The following LMO7 variants were observed in gnomAD, a reference collection of about 807,000 sequenced individuals.
The protein encoded by LMO7 is LIM domain only protein 7.
A neutral mutation model predicts 206.5 loss-of-function variants in LMO7; 120 were observed. The observed-to-expected ratio is 0.58, with a 90% confidence interval of 0.50 to 0.68. The LOEUF is 0.68. Ranked by LOEUF, LMO7 falls within the 30% of genes least tolerant of loss-of-function variation. The probability of loss-of-function intolerance (pLI) is 0.00; values close to 1 mark genes in which losing one functional copy is unlikely to be tolerated. For synonymous variants in LMO7, 706 were observed against 681.5 expected (o/e 1.04, Z -0.56); for missense variants, 1,959 against 1,957.9 (o/e 1.00, Z -0.01).
At chr13:75,781,972 T>C (rs1377101318) in intron 4 of LMO7, among the ~76,000 whole-genome samples, 3 of 152,012 alleles carry the variant, frequency 2.0e-5, no homozygotes, top group Admixed American at 1.3e-4. Context: ...TTTGATGGGG[T>C]TGTTTGTTTT....
At chr13:75,690,343 G>A (rs1299626039) in intron 1 of LMO7, among the ~76,000 whole-genome samples, 1 of 152,034 alleles carries the variant, frequency 6.6e-6, no homozygotes, top group Non-Finnish European at 1.5e-5. Context: ...GCTTTGATCT[G>A]CCTACACTAG....
In LMO7 at chr13:75,807,801, A is replaced by G; in HGVS notation, c.1518A>G (p.Glu506=). The change falls in exon 10 of 31, where the codon GAA becomes GAG. Residue 506 remains glutamate (E), a synonymous_variant. Transcript: ENST00000377534. ...TAATTTTACAGTGTAGAGAAGGTGA[A>G]CTTGTACTTCCGGATTTGGAAAAAG... ...RDIILQCREG[E]LVLPDLEKDD... 2.5e-6 allele frequency: 4 copies of G among 1,613,742 alleles called. No homozygotes were observed. The highest frequency in any genetic ancestry group is 2.5e-6 in the Non-Finnish European group (3 of 1,179,760).
In LMO7 at chr13:75,841,816, T is replaced by A; in HGVS notation, c.3864T>A (p.Asp1288Glu). 1.2e-6 allele frequency: 2 copies of A among 1,613,984 alleles called. 1 individual carries two copies. The highest frequency in any genetic ancestry group is 2.2e-5 in the South Asian group (2 of 91,070). The change falls in exon 24 of 31, where the codon GAT (aspartate) becomes GAA (glutamate). Residue 1288 changes from aspartate to glutamate, a missense_variant. Physicochemically the swap from Asp to Glu is conservative, Grantham distance 45 (BLOSUM62 2). Coordinates refer to ENST00000377534, the MANE Select transcript of LMO7 (RefSeq NM_001306080.2). The stretch of plus-strand genomic sequence containing the variant: ...AGGACCAAGGAAAGAAGCCGCAGGA[T>A]CAGCTTGTTATTGAGAGAGAGAGGA... Reference protein sequence around the residue: ...VHEDQGKKPQDQLVIERERKW... With the variant: ...VHEDQGKKPQEQLVIERERKW...
At chr13:75,747,746 T>C (rs1252063994) in intron 3 of LMO7, among the ~76,000 whole-genome samples, 1 of 152,076 alleles carries the variant, frequency 6.6e-6, no homozygotes, top group African/African-American at 2.4e-5. Context: ...TCCATGGAAA[T>C]AGTGAATATG....
intron 3 of LMO7, among the ~76,000 whole-genome samples, chr13:75,732,955 A>G (rs1251255181): frequency 6.6e-6 from 1 of 152,152 alleles, no homozygotes; most frequent in Non-Finnish European, 1.5e-5. Flanking sequence ...GTGAACCGCG[A>G]ATGCTGCTGT....
chr13:75,836,468 C>T lies in LMO7; in HGVS notation c.3394+11C>T, dbSNP rs750140630. 3.0e-6 allele frequency: 4 copies of T among 1,335,560 alleles called. No homozygotes were observed. The African/African-American group carries it at 4.5e-5, about 15-fold the overall frequency. The allele number at this position is 1,335,560 out of a possible 1,614,324, so 82.7% of individuals were successfully genotyped here. A position where few individuals can be genotyped will look rare whatever the true frequency, so the allele number is the denominator to read the frequency against. On this transcript the variant is annotated intron_variant, in intron 19 of 30. Transcript: ENST00000377534. ...CTTTTGAATCAAAAGGTAAATATCA[C>T]CTTTATAACTTACATTTATAATACA...
intron 3 of LMO7, among the ~76,000 whole-genome samples, chr13:75,739,878 T>TTG (rs1368118198): frequency 6.6e-6 from 1 of 152,180 alleles, no homozygotes. Flanking sequence ...GAGGGGAGGT[T>TTG]TGTGGGACCC....
chr13:75,800,599 A>T, intron 6 of LMO7, 85 bp from the exon 7 acceptor site: 1 of 1,254,932 alleles, frequency 8.0e-7, no homozygotes, highest in Non-Finnish European at 1.1e-6. Context: ...AACTTAAATT[A>T]GGCAAACAAG....
intron 4 of LMO7, among the ~76,000 whole-genome samples, chr13:75,793,521 C>T (rs1003398287): frequency 6.6e-6 from 1 of 152,158 alleles, no homozygotes; most frequent in African/African-American, 2.4e-5. Flanking sequence ...GGGGATGCAC[C>T]CTCCTCAGCC....
At chr13:75,735,267 CAGG>C (rs2045697880) in intron 3 of LMO7, among the ~76,000 whole-genome samples, 2 of 151,840 alleles carry the variant, frequency 1.3e-5, no homozygotes, top group Non-Finnish European at 2.9e-5. Context: ...ACCCCCTCTT[CAGG>C]AGGAGAGGGG....
At chr13:75,793,207 G>A (rs758737469) in intron 4 of LMO7, among the ~76,000 whole-genome samples, 2 of 152,188 alleles carry the variant, frequency 1.3e-5, no homozygotes, top group African/African-American at 2.4e-5. Flanking sequence ...CAACTCTGCT[G>A]TTTTTTGTTG....
chr13:75,640,911 C>T (rs1180021050), intron 1 of LMO7, among the ~76,000 whole-genome samples: 2 of 152,178 alleles, frequency 1.3e-5, no homozygotes, highest in Non-Finnish European at 2.9e-5. Flanking sequence ...CTGCCTCAAC[C>T]CTCTTCCCGA....
rs1259259328 is a variant in LMO7 at position 75,734,259 on chromosome 13, G to C, written c.210+7161G>C. Among the ~76,000 whole-genome samples, 3 of 152,162 alleles carry C rather than the reference G, an allele frequency of 2.0e-5. 1 individual carries two copies. The highest frequency in any genetic ancestry group is 4.4e-5 in the Non-Finnish European group (3 of 68,032). The stretch of plus-strand genomic sequence containing the variant: ...TACTCAGACGGGGTAAGACATTTCA[G>C]AGGACAATAATAATGCGGGGCGTTG... On this transcript the variant is annotated intron_variant, in intron 3 of 30. Transcript: ENST00000377534.
At chr13:75,848,093 G>A (rs1048116255) in intron 26 of LMO7, among the ~76,000 whole-genome samples, 4 of 151,798 alleles carry the variant, frequency 2.6e-5, no homozygotes, top group African/African-American at 9.7e-5. Context: ...AGGTTTTTGG[G>A]GAACAGGTGG....
At chr13:75,745,111 T>A (rs1381615665) in intron 3 of LMO7, among the ~76,000 whole-genome samples, 1 of 152,124 alleles carries the variant, frequency 6.6e-6, no homozygotes, top group Non-Finnish European at 1.5e-5. Flanking sequence ...AGTTGACATT[T>A]GATCAGGAGC....
chr13:75,784,794 A>G (rs547471391), intron 4 of LMO7, among the ~76,000 whole-genome samples: 59 of 152,304 alleles, frequency 3.9e-4, no homozygotes, highest in African/African-American at 1.2e-3. Flanking sequence ...ACTTCAGGAA[A>G]TTGACAGATT....
intron 4 of LMO7, among the ~76,000 whole-genome samples, chr13:75,787,448 A>G (rs1361306163): frequency 2.6e-5 from 4 of 152,206 alleles, no homozygotes; most frequent in South Asian, 4.1e-4. Flanking sequence ...AAGTGAAACT[A>G]TGCTATTCTT....
chr13:75,811,709 G>A (rs1489787105), intron 11 of LMO7, among the ~76,000 whole-genome samples: 1 of 152,124 alleles, frequency 6.6e-6, no homozygotes, highest in Non-Finnish European at 1.5e-5. Flanking sequence ...TGTGGTAGTC[G>A]TTTCTTCTAT....
At chr13:75,772,451 G>A (rs374491004) in intron 4 of LMO7, among the ~76,000 whole-genome samples, 1 of 152,050 alleles carries the variant, frequency 6.6e-6, no homozygotes, top group Non-Finnish European at 1.5e-5. Flanking sequence ...TTGTTTGAAC[G>A]TTTTGCTTTC....
Sources: gnomAD v4.1 joint callset for allele counts (sites outside exome capture counted in the v4.1 genomes callset) on GRCh38, gnomAD v4.1.1 for gene constraint, MANE v1.5 for transcripts, NCBI Gene and HGNC (gene_info 2026-07-23, HGNC 2026-07-21) for gene names.